The following PRKCZ variants were observed in gnomAD, a reference collection of about 807,000 sequenced individuals.
PRKCZ encodes protein kinase C zeta type.
A neutral mutation model predicts 79.5 loss-of-function variants in PRKCZ; 33 were observed. The observed-to-expected ratio is 0.41, with a 90% confidence interval of 0.31 to 0.55. The LOEUF (loss-of-function observed/expected upper bound fraction) is 0.55, where lower values mean the gene tolerates loss of function less well. Among genes scored for constraint, PRKCZ ranks in the 20% least tolerant of loss-of-function variants. The probability of loss-of-function intolerance (pLI) is 0.19; values close to 1 mark genes in which losing one functional copy is unlikely to be tolerated. For synonymous variants in PRKCZ, 342 were observed against 320.9 expected, an observed-to-expected ratio of 1.07 and a Z score of -0.70; for missense variants, 578 against 813.5, an observed-to-expected ratio of 0.71 and a Z score of 3.52.
rs1051570361 is a variant in PRKCZ at position 2,145,301 on chromosome 1, C to T, written c.553-726C>T. On this transcript the variant is annotated intron_variant, in intron 6 of 17. Transcript: ENST00000378567. ...GGCCAGAGCCTGCCACCCAGCTGAC[C>T]ACCAGTACTGGTGGCTCCATTATGA... The T allele has an allele frequency of 2.6e-5, 4 of 152,324 alleles. No individual in the cohort carries two copies. The East Asian group carries it at 5.8e-4, about 22-fold the overall frequency. The allele number at this position is 152,324 out of a possible 1,614,324, so 9.4% of individuals were successfully genotyped here.
intron 4 of PRKCZ, among the ~76,000 whole-genome samples, chr1:2,085,682 T>G (rs1664384814): frequency 7.7e-6 from 1 of 129,262 alleles, no homozygotes; most frequent in African/African-American, 3.0e-5. Flanking sequence ...TGAGGCACCG[T>G]GCTGGAGGGG....
At chr1:2,048,681 T>A (rs1419839584), upstream of PRKCZ, among the ~76,000 whole-genome samples, 1 of 150,814 alleles carries the variant, frequency 6.6e-6, no homozygotes, top group Admixed American at 6.6e-5. Flanking sequence ...GCTGGGTGAG[T>A]GTTGGTTGGG....
intron 9 of PRKCZ, among the ~76,000 whole-genome samples, chr1:2,152,516 A>C (rs529445889): frequency 8.6e-4 from 131 of 152,314 alleles, no homozygotes; most frequent in Non-Finnish European, 1.6e-3. Flanking sequence ...TGGGCGACCA[A>C]ATGAGACTCT....
At chr1:2,050,164 C>T (rs1422981552), upstream of PRKCZ, 1 of 152,136 alleles carries the variant, frequency 6.6e-6, no homozygotes, top group Non-Finnish European at 1.5e-5. Context: ...CGGGGCCCCT[C>T]CGGTTGCCGG....
In PRKCZ at chr1:2,173,888, C is replaced by T. The variant is rs1453021272; in HGVS notation, c.1286-9C>T. ...CCCCACTCGGTGATGGCTGTGTGCT[C>T]TCCCCCAGGGTTCAGCGTGGACTGG... On this transcript the variant is annotated splice_polypyrimidine_tract_variant and intron_variant, in intron 13 of 17. Transcript: ENST00000378567. This position sits in a 1 kb window ranked among gnomAD's most constrained non-coding sequence, Gnocchi z 5.7. 6.3e-7 allele frequency: 1 copy of T among 1,589,226 alleles called. No homozygotes were observed. The highest frequency in any genetic ancestry group is 1.1e-5 in the South Asian group (1 of 88,398).
rs141109084 is a variant in PRKCZ at position 2,132,113 on chromosome 1, G to C, written c.335-3149G>C. 1.5e-3 allele frequency among the ~76,000 whole-genome samples: 226 copies of C among 152,204 alleles called. 2 individuals are homozygous for C. The East Asian group carries it at 0.033, about 22-fold the overall frequency. On this transcript the variant is annotated intron_variant, in intron 4 of 17. Coordinates refer to ENST00000378567, the MANE Select transcript of PRKCZ (RefSeq NM_002744.6). ...GGCGGGAGCCACCGTGCCTAGTATT[G>C]GGTTTGTTTGTTTGTTTTTTGACTT...
intron 10 of PRKCZ, among the ~76,000 whole-genome samples, chr1:2,160,763 G>A (rs144966857): frequency 6.6e-6 from 1 of 152,290 alleles, no homozygotes; most frequent in Non-Finnish European, 1.5e-5. Flanking sequence ...GCAGAAGTCA[G>A]GGCAGTGCTG....
In PRKCZ at chr1:2,160,627, C is replaced by T. The variant is rs572539749; in HGVS notation, c.974+4535C>T. ...GCAGTGCTGGTGTTGGGCAGGCACT[C>T]GTGTGAGGAGTAGGATCTGGGCCGC... On this transcript the variant is annotated intron_variant, in intron 10 of 17. Transcript: ENST00000378567. Among the ~76,000 whole-genome samples the T allele has an allele frequency of 4.6e-5, 7 of 151,942 alleles. No individual in the cohort carries two copies. In the East Asian group the frequency reaches 9.7e-4, roughly 21 times the overall value.
intron 7 of PRKCZ, among the ~76,000 whole-genome samples, chr1:2,146,525 C>G (rs1047846963): frequency 1.3e-5 from 2 of 152,232 alleles, no homozygotes; most frequent in Non-Finnish European, 2.9e-5. Flanking sequence ...GCTGCACACA[C>G]AGCGTGGCAG....
intron 4 of PRKCZ, among the ~76,000 whole-genome samples, chr1:2,085,014 GA>G (rs35913934): frequency 0.12 from 16,727 of 142,396 alleles, 997 homozygotes; most frequent in Middle Eastern, 0.17. Flanking sequence ...CTTAAAAAAA[GA>G]AAAAAAAAAA....
chr1:2,088,172 C>G (rs1373769956), intron 4 of PRKCZ, among the ~76,000 whole-genome samples: 1 of 152,192 alleles, frequency 6.6e-6, no homozygotes, highest in African/African-American at 2.4e-5. Flanking sequence ...TCCTCACCTA[C>G]CTGGCCCAGA....
intron 4 of PRKCZ, among the ~76,000 whole-genome samples, chr1:2,114,649 C>T (rs908740113): frequency 6.6e-6 from 1 of 152,160 alleles, no homozygotes; most frequent in Non-Finnish European, 1.5e-5. Context: ...TGGTGGACAC[C>T]TGTAGTCCCA....
At chr1:2,111,967 G>C (rs1348417564) in intron 4 of PRKCZ, 1 of 152,232 alleles carries the variant, frequency 6.6e-6, no homozygotes, top group Non-Finnish European at 1.5e-5. Flanking sequence ...CCGTGTGCCA[G>C]CCTCCCAGTT....
chr1:2,175,541 ACCCAACCCCACTCCAACCCCTACACC>A (rs2100415403), intron 16 of PRKCZ, among the ~76,000 whole-genome samples: 1 of 27,020 alleles, frequency 3.7e-5, no homozygotes. Flanking sequence ...CCCAATATCC[ACCCAACCCCACTCCAACCCCTACACC>A]CCCAACCCCT....
At chr1:2,154,769 G>A (rs1680603210) in intron 9 of PRKCZ, among the ~76,000 whole-genome samples, 1 of 152,174 alleles carries the variant, frequency 6.6e-6, no homozygotes, top group African/African-American at 2.4e-5. Flanking sequence ...TACTTTCTGG[G>A]GTCAAGATGA....
intron 16 of PRKCZ, among the ~76,000 whole-genome samples, chr1:2,175,680 G>A (rs868406371): frequency 2.0e-5 from 3 of 151,974 alleles, no homozygotes; most frequent in Non-Finnish European, 2.9e-5. Flanking sequence ...CCCCACTTGC[G>A]TGGAGCCAAG....
At chr1:2,070,083 G>A (rs1213661970) in intron 4 of PRKCZ, among the ~76,000 whole-genome samples, 5 of 152,152 alleles carry the variant, frequency 3.3e-5, no homozygotes, top group South Asian at 2.1e-4. Context: ...TACAAAGTCC[G>A]CTGGGCTGGG....
chr1:2,170,715 ACTCTAGGGAC>A (rs1438237908), intron 11 of PRKCZ, among the ~76,000 whole-genome samples: 2 of 151,516 alleles, frequency 1.3e-5, no homozygotes, highest in Non-Finnish European at 2.9e-5. Flanking sequence ...TGATTCGAGG[ACTCTAGGGAC>A]CTCATCGGAG....
At position 2,168,865 on chromosome 1, in the gene PRKCZ, C is replaced by T. The variant is rs1683849001; in HGVS notation, c.975-653C>T. On this transcript the variant is annotated intron_variant, in intron 10 of 17. Transcript: ENST00000378567. The surrounding 1 kb of genome is among the most constrained non-coding windows in gnomAD (Gnocchi z 4.7). ...GAGAATTTAATTTTGAAAATTGAGT[C>T]TCATGAAATGTAGGAAAAGATCTTA... 1 of 213,330 alleles carries T rather than the reference C, an allele frequency of 4.7e-6. No individual in the cohort carries two copies. Among genetic ancestry groups the T allele is most frequent in the Admixed American group, 5.2e-5 (1 of 19,090 alleles). 13.2% of individuals were successfully genotyped at this position (213,330 alleles called of 1,614,324 possible). A position where few individuals can be genotyped will look rare whatever the true frequency, so the allele number is the denominator to read the frequency against.
Sources: gnomAD v4.1 joint callset for allele counts (sites outside exome capture counted in the v4.1 genomes callset) on GRCh38, gnomAD v4.1.1 for gene constraint, Gnocchi (gnomAD v3.1) non-coding constraint, MANE v1.5 for transcripts, NCBI Gene and HGNC (gene_info 2026-07-23, HGNC 2026-07-21) for gene names.